CTNND2: variants seen among roughly 807,000 people sequenced by gnomAD.
CTNND2 encodes catenin delta 2, also known as catenin delta-2.
Under a neutral mutation model 144.4 loss-of-function variants are expected in CTNND2, and 22 were observed. That is an observed-to-expected ratio of 0.15 (90% confidence interval 0.11 to 0.22). The LOEUF (loss-of-function observed/expected upper bound fraction) is 0.22, where lower values mean the gene tolerates loss of function less well. CTNND2 is among the 10% of genes least tolerant of loss of function. CTNND2 has a pLI of 1.00. For missense variants in CTNND2, 1,353 were observed against 1,618.8 expected (o/e 0.84, Z 2.82); for synonymous variants, 751 against 695.6 (o/e 1.08, Z -1.25).
chr5:11,188,188 A>G (rs770582473), intron 11 of CTNND2, among the ~76,000 whole-genome samples: 19 of 152,210 alleles, frequency 1.2e-4, no homozygotes, highest in Non-Finnish European at 2.2e-4. Flanking sequence ...AATAGCAAAG[A>G]CATGAAATCA....
At position 11,743,327 on chromosome 5, in the gene CTNND2, T is replaced by C. The variant is rs543110285; in HGVS notation, c.38-11055A>G. Among the ~76,000 whole-genome samples the C allele has an allele frequency of 9.2e-5, 14 of 152,314 alleles. No individual in the cohort carries two copies. The East Asian group carries it at 1.9e-3, about 21-fold the overall frequency. On this transcript the variant is annotated intron_variant, in intron 1 of 21. Transcript: ENST00000304623. ...TGTGGCATTTGAAATGATACTCCTT[T>C]ATTTCAACTCAAGATAGCTGCTTTT...
chr5:11,374,478 C>G (rs1042566848), intron 7 of CTNND2, among the ~76,000 whole-genome samples: 3 of 152,128 alleles, frequency 2.0e-5, no homozygotes, highest in Non-Finnish European at 2.9e-5. Context: ...TCTTCACCAC[C>G]ACAATCTTCT....
chr5:11,147,476 G>A (rs1437508396), intron 12 of CTNND2, among the ~76,000 whole-genome samples: 1 of 152,176 alleles, frequency 6.6e-6, no homozygotes, highest in Non-Finnish European at 1.5e-5. Context: ...TGAATGAAGA[G>A]CAGAGGGGCC....
chr5:11,239,933 T>C (rs1334868551), intron 9 of CTNND2, among the ~76,000 whole-genome samples: 2 of 152,176 alleles, frequency 1.3e-5, no homozygotes, highest in Non-Finnish European at 2.9e-5. Flanking sequence ...CTGTTGGTCA[T>C]CTTTGTCAGC....
At chr5:11,663,272 A>T (rs925269817) in intron 2 of CTNND2, among the ~76,000 whole-genome samples, 33 of 152,342 alleles carry the variant, frequency 2.2e-4, no homozygotes, top group African/African-American at 7.0e-4. Flanking sequence ...TTGTCATTAG[A>T]TTGATCTATA....
chr5:11,523,027 G>A (rs983353075), intron 3 of CTNND2, among the ~76,000 whole-genome samples: 16 of 152,186 alleles, frequency 1.1e-4, no homozygotes, highest in African/African-American at 3.6e-4. Context: ...GGTTGGATGC[G>A]ATGGGCTGGC....
chr5:11,105,042 G>A (rs1427733009), intron 14 of CTNND2, among the ~76,000 whole-genome samples: 2 of 152,194 alleles, frequency 1.3e-5, no homozygotes, highest in Non-Finnish European at 2.9e-5. Flanking sequence ...ACTGTGCTGT[G>A]CCCCACAGAA....
At chr5:11,226,651 A>T (rs950699100) in intron 10 of CTNND2, among the ~76,000 whole-genome samples, 1 of 152,228 alleles carries the variant, frequency 6.6e-6, no homozygotes, top group Non-Finnish European at 1.5e-5. Flanking sequence ...CTTATTTACT[A>T]TCACAAGAAC....
At chr5:11,863,867 C>T (rs188205288) in intron 1 of CTNND2, among the ~76,000 whole-genome samples, 126 of 152,282 alleles carry the variant, frequency 8.3e-4, no homozygotes, top group Middle Eastern at 3.4e-3. Flanking sequence ...TTATCTTCAA[C>T]GTTCTCTACA....
chr5:11,206,964 G>C (rs1580587336), intron 10 of CTNND2, among the ~76,000 whole-genome samples: 1 of 152,246 alleles, frequency 6.6e-6, no homozygotes, highest in African/African-American at 2.4e-5. Flanking sequence ...TGTTCAAGCA[G>C]ATATATGCTC....
chr5:11,799,091 T>C (rs983704874), intron 1 of CTNND2, among the ~76,000 whole-genome samples: 5 of 152,184 alleles, frequency 3.3e-5, no homozygotes, highest in Non-Finnish European at 7.3e-5. Flanking sequence ...AGTTAACCTC[T>C]ATAAACCTCA....
chr5:11,119,501 G>A (rs569964781), intron 12 of CTNND2, among the ~76,000 whole-genome samples: 4 of 152,166 alleles, frequency 2.6e-5, no homozygotes, highest in Non-Finnish European at 4.4e-5. Context: ...GACACAATCC[G>A]TGGTGGTGGC....
chr5:11,879,887 A>C (rs922118852), intron 1 of CTNND2, among the ~76,000 whole-genome samples: 3 of 152,176 alleles, frequency 2.0e-5, no homozygotes, highest in African/African-American at 4.8e-5. Flanking sequence ...AGAGCTGGGC[A>C]TGGTCACATG....
chr5:11,253,580 A>G (rs982044616), intron 9 of CTNND2, among the ~76,000 whole-genome samples: 1 of 152,204 alleles, frequency 6.6e-6, no homozygotes, highest in Non-Finnish European at 1.5e-5. Context: ...CCCCAGCCAC[A>G]TGGAACTGTG....
chr5:11,875,242 C>A (rs1735476358), intron 1 of CTNND2, among the ~76,000 whole-genome samples: 1 of 152,176 alleles, frequency 6.6e-6, no homozygotes, highest in African/African-American at 2.4e-5. Context: ...ATACGTAGTT[C>A]TTCAACTTCA....
intron 2 of CTNND2, among the ~76,000 whole-genome samples, chr5:11,679,042 C>T (rs1041447547): frequency 1.3e-5 from 2 of 151,966 alleles, no homozygotes; most frequent in African/African-American, 4.8e-5. Context: ...AGGGAAAAGA[C>T]TTTTGTTTTT....
chr5:11,819,249 C>T (rs1050831635), intron 1 of CTNND2, among the ~76,000 whole-genome samples: 6 of 152,064 alleles, frequency 3.9e-5, no homozygotes, highest in Admixed American at 6.6e-5. Context: ...GCCTGGCCAA[C>T]GTGGTGAAAC....
intron 3 of CTNND2, among the ~76,000 whole-genome samples, chr5:11,493,783 ATG>A (rs1196481599): frequency 2.0e-5 from 3 of 152,138 alleles, no homozygotes; most frequent in African/African-American, 7.2e-5. Flanking sequence ...GTTTTACTTA[ATG>A]TCTTATTTCA....
At chr5:11,548,746 C>A (rs1003422892) in intron 3 of CTNND2, among the ~76,000 whole-genome samples, 1 of 152,148 alleles carries the variant, frequency 6.6e-6, no homozygotes, top group African/African-American at 2.4e-5. Flanking sequence ...AAAAACCACT[C>A]GTTTCTTTAC....
Sources: gnomAD v4.1 joint callset for allele counts (sites outside exome capture counted in the v4.1 genomes callset) on GRCh38, gnomAD v4.1.1 for gene constraint, MANE v1.5 for transcripts, NCBI Gene and HGNC (gene_info 2026-07-23, HGNC 2026-07-21) for gene names.